LRMDA: variants seen among roughly 807,000 people sequenced by gnomAD.
The protein encoded by LRMDA is leucine rich melanocyte differentiation associated, also known as leucine-rich melanocyte differentiation-associated protein.
LRMDA carries 18 observed loss-of-function variants against 29.8 expected under a neutral mutation model. The ratio of observed to expected loss-of-function variants is 0.60; its 90% CI spans 0.42 to 0.90. The LOEUF (loss-of-function observed/expected upper bound fraction) is 0.90. Ranked by LOEUF, LRMDA falls within the 40% of genes least tolerant of loss-of-function variation. LRMDA has a pLI of 0.00. For missense variants in LRMDA, 273 were observed against 273.9 expected (o/e 1.00, Z 0.02); for synonymous variants, 125 against 109.4 (o/e 1.14, Z -0.89).
At chr10:76,046,069 T>C (rs764222247) in intron 3 of LRMDA, among the ~76,000 whole-genome samples, 3 of 152,200 alleles carry the variant, frequency 2.0e-5, no homozygotes, top group East Asian at 1.9e-4. Context: ...TCTACCCTTG[T>C]ATGTTTTGTT....
chr10:76,244,927 G>A (rs540797941), intron 5 of LRMDA, among the ~76,000 whole-genome samples: 1 of 152,264 alleles, frequency 6.6e-6, no homozygotes, highest in Admixed American at 6.5e-5. Context: ...CTAGGGTCTG[G>A]CTTCATTTCT....
At chr10:75,624,913 A>G (rs1841232727) in intron 2 of LRMDA, among the ~76,000 whole-genome samples, 1 of 152,226 alleles carries the variant, frequency 6.6e-6, no homozygotes, top group South Asian at 2.1e-4. Flanking sequence ...ATAACAATCC[A>G]GGAGACTTGT....
At chr10:75,734,954 C>G (rs1350462351) in intron 2 of LRMDA, among the ~76,000 whole-genome samples, 1 of 152,244 alleles carries the variant, frequency 6.6e-6, no homozygotes, top group African/African-American at 2.4e-5. Context: ...TCATGCTGCT[C>G]TGCTTTTTCT....
At chr10:76,285,342 T>A (rs1840258643) in intron 5 of LRMDA, among the ~76,000 whole-genome samples, 1 of 151,756 alleles carries the variant, frequency 6.6e-6, no homozygotes, top group Admixed American at 6.6e-5. Flanking sequence ...GATATCTCAG[T>A]GGAGGGAGGG....
At chr10:75,948,884 A>G (rs971904978) in intron 2 of LRMDA, among the ~76,000 whole-genome samples, 1 of 151,908 alleles carries the variant, frequency 6.6e-6, no homozygotes, top group Admixed American at 6.6e-5. Context: ...CTTTGACAGG[A>G]AGATAATTGC....
chr10:75,857,997 G>T (rs1049859020), intron 2 of LRMDA, among the ~76,000 whole-genome samples: 6 of 152,224 alleles, frequency 3.9e-5, no homozygotes, highest in Non-Finnish European at 7.3e-5. Context: ...AAGAGAAAAA[G>T]GATTTATTTT....
intron 6 of LRMDA, among the ~76,000 whole-genome samples, chr10:76,482,472 G>A (rs928617091): frequency 3.3e-5 from 5 of 151,716 alleles, no homozygotes; most frequent in East Asian, 3.9e-4. Flanking sequence ...TGGATACTTC[G>A]GGCCAAAATT....
chr10:76,551,486 A>C (rs1432931001), intron 6 of LRMDA, among the ~76,000 whole-genome samples: 1 of 152,150 alleles, frequency 6.6e-6, no homozygotes, highest in Non-Finnish European at 1.5e-5. Context: ...ATGCTCTCCA[A>C]CTTACGAAGG....
At position 76,543,963 on chromosome 10, in the gene LRMDA, G is replaced by A. The variant is rs574579430; in HGVS notation, c.602-13246G>A. ...CTGCACCACAGAGCACCCTGTAGAC[G>A]GAATTCTCTGTGTGATGCTAAGCAC... On this transcript the variant is annotated intron_variant, in intron 6 of 6. Coordinates refer to ENST00000611255, the MANE Select transcript of LRMDA (RefSeq NM_001305581.2). Among the ~76,000 whole-genome samples, 12 of 152,232 alleles carry A rather than the reference G, an allele frequency of 7.9e-5. No homozygotes were observed. The South Asian group carries it at 1.2e-3, about 16-fold the overall frequency.
At chr10:76,532,190 C>T (rs774248483) in intron 6 of LRMDA, among the ~76,000 whole-genome samples, 3 of 152,096 alleles carry the variant, frequency 2.0e-5, no homozygotes, top group Non-Finnish European at 2.9e-5. Flanking sequence ...CCATACCCCC[C>T]GACAGGCCCT....
chr10:75,620,054 A>T (rs538329862), intron 2 of LRMDA, among the ~76,000 whole-genome samples: 1 of 152,264 alleles, frequency 6.6e-6, no homozygotes, highest in South Asian at 2.1e-4. Context: ...CAAGGCAGCC[A>T]GCAAGAGTCC....
chr10:76,511,215 C>T (rs1843006721), intron 6 of LRMDA, among the ~76,000 whole-genome samples: 1 of 152,096 alleles, frequency 6.6e-6, no homozygotes, highest in Non-Finnish European at 1.5e-5. Flanking sequence ...AGGAAACACC[C>T]AAGCTTTTCT....
At chr10:75,621,225 C>CA (rs55797433) in intron 2 of LRMDA, among the ~76,000 whole-genome samples, 8,516 of 43,794 alleles carry the variant, frequency 0.19, 719 homozygotes, top group African/African-American at 0.33. Flanking sequence ...CACACACACA[C>CA]CCACACACCC....
chr10:76,468,679 T>C (rs916756017), intron 6 of LRMDA, among the ~76,000 whole-genome samples: 1 of 152,232 alleles, frequency 6.6e-6, no homozygotes, highest in African/African-American at 2.4e-5. Context: ...ACAATAGCTA[T>C]CCTTTAAGTA....
intron 2 of LRMDA, among the ~76,000 whole-genome samples, chr10:75,862,470 G>C (rs1334691685): frequency 6.6e-6 from 1 of 152,160 alleles, no homozygotes; most frequent in Non-Finnish European, 1.5e-5. Context: ...AGGCCATGAG[G>C]GGAGGTGACT....
intron 2 of LRMDA, among the ~76,000 whole-genome samples, chr10:75,819,035 A>G (rs1177535845): frequency 6.6e-6 from 1 of 152,242 alleles, no homozygotes; most frequent in Non-Finnish European, 1.5e-5. Context: ...AGATTACTCT[A>G]GGCAAATTTT....
chr10:75,860,953 C>A (rs573327403), intron 2 of LRMDA, among the ~76,000 whole-genome samples: 8 of 152,254 alleles, frequency 5.3e-5, no homozygotes, highest in African/African-American at 1.9e-4. Flanking sequence ...ATATTATTGA[C>A]CTCTCAGGAT....
chr10:76,461,052 G>A (rs911762877), intron 6 of LRMDA, among the ~76,000 whole-genome samples: 1 of 152,042 alleles, frequency 6.6e-6, no homozygotes, highest in Admixed American at 6.6e-5. Context: ...GAAATTAAAC[G>A]AGTTTGTGCT....
At position 75,641,450 on chromosome 10, in the gene LRMDA, G is replaced by C. The variant is rs569328081; in HGVS notation, c.131+202956G>C. On this transcript the variant is annotated intron_variant, in intron 2 of 6. Transcript: ENST00000611255. ...GATATTATTGAAGTTTATAGTTTTG[G>C]TTTTTATTTTTAATAAAGATAGTTC... Among the ~76,000 whole-genome samples, 9 of 150,924 alleles carry C rather than the reference G, an allele frequency of 6.0e-5. No homozygotes were observed. In the East Asian group the frequency reaches 1.7e-3, roughly 29 times the overall value.
Sources: gnomAD v4.1 joint callset for allele counts (sites outside exome capture counted in the v4.1 genomes callset) on GRCh38, gnomAD v4.1.1 for gene constraint, MANE v1.5 for transcripts, NCBI Gene and HGNC (gene_info 2026-07-23, HGNC 2026-07-21) for gene names.